GDAP1: variants seen among roughly 807,000 people sequenced by gnomAD.
GDAP1 encodes the protein ganglioside induced differentiation associated protein 1.
In GDAP1, 34 loss-of-function variants were observed where a neutral mutation model predicts 40.1. That is an observed-to-expected ratio of 0.85 (90% confidence interval 0.64 to 1.13). The LOEUF (loss-of-function observed/expected upper bound fraction) is 1.13, where lower values mean the gene tolerates loss of function less well. Ranked by LOEUF, GDAP1 falls within the 50% of genes most tolerant of loss-of-function variation. The pLI, the probability that GDAP1 is intolerant of heterozygous loss-of-function variation, is 0.00. For synonymous variants in GDAP1, 170 were observed against 157.4 expected (o/e 1.08, Z -0.60); for missense variants, 374 against 433.7 (o/e 0.86, Z 1.22).
intron 3 of GDAP1, among the ~76,000 whole-genome samples, 197 bp from the exon 4 acceptor site, chr8:74,361,687 G>A (rs1290845820): frequency 4.6e-5 from 7 of 152,222 alleles, no homozygotes; most frequent in Non-Finnish European, 5.9e-5. Context: ...GAGCCACCGC[G>A]CCCAGCCGGC....
intron 2 of GDAP1, among the ~76,000 whole-genome samples, chr8:74,379,238 G>C (rs1344972092): frequency 6.7e-6 from 1 of 149,838 alleles, no homozygotes; most frequent in Admixed American, 6.7e-5. Context: ...GGTATGTGGA[G>C]TAAGAGCCAC....
chr8:74,488,858 G>T (rs1317594124), exon 3 of GDAP1: 1 of 152,078 alleles, frequency 6.6e-6, no homozygotes, highest in African/African-American at 2.4e-5. Flanking sequence ...TGAATAAATA[G>T]GTTTGGAGCC....
chr8:74,457,584 G>A (rs184363672), intron 2 of GDAP1, among the ~76,000 whole-genome samples: 72 of 152,090 alleles, frequency 4.7e-4, no homozygotes, highest in African/African-American at 1.5e-3. Flanking sequence ...TTGTTCAGGC[G>A]GAATAAACAT....
intron 2 of GDAP1, among the ~76,000 whole-genome samples, chr8:74,383,504 T>G (rs1232855087): frequency 6.6e-6 from 1 of 152,204 alleles, no homozygotes; most frequent in African/African-American, 2.4e-5. Context: ...GTTTTAGATT[T>G]AATAATCTGT....
At chr8:74,466,593 A>G (rs1268279872) in intron 2 of GDAP1, among the ~76,000 whole-genome samples, 1 of 152,242 alleles carries the variant, frequency 6.6e-6, no homozygotes, top group African/African-American at 2.4e-5. Flanking sequence ...TGGAGGACAG[A>G]TCAAGGATAA....
chr8:74,430,053 GA>G (rs2131564362), intron 2 of GDAP1, among the ~76,000 whole-genome samples: 1 of 152,162 alleles, frequency 6.6e-6, no homozygotes, highest in Admixed American at 6.5e-5. Context: ...CGGAGAAAAA[GA>G]AAAGCATATG....
In GDAP1 at chr8:74,414,841, C is replaced by T. The variant is rs560442407; in HGVS notation, c.165+63520C>T. ...CTATAGCTTCAAGAAACTCCATGAA[C>T]CCCAAGCAAGATAAACACAAAAGAA... is the stretch of plus-strand genomic sequence containing the variant. On this transcript the variant is annotated intron_variant, in intron 2 of 2. Transcript: ENST00000523640. Among the ~76,000 whole-genome samples the T allele has an allele frequency of 1.1e-3, 164 of 149,882 alleles. 11 individuals carry two copies. The Middle Eastern group carries it at 0.014, about 12-fold the overall frequency.
At chr8:74,403,717 A>T (rs1805597647) in intron 2 of GDAP1, among the ~76,000 whole-genome samples, 1 of 150,194 alleles carries the variant, frequency 6.7e-6, no homozygotes, top group Non-Finnish European at 1.5e-5. Flanking sequence ...ACTTTTACAG[A>T]TCACTTGATA....
intron 2 of GDAP1, among the ~76,000 whole-genome samples, chr8:74,411,555 A>G (rs1033829160): frequency 1.5e-4 from 23 of 148,694 alleles, no homozygotes; most frequent in Admixed American, 1.5e-3. Context: ...ACACACAACA[A>G]TAAATAAAGA....
At chr8:74,385,043 C>G (rs1461241863) in intron 2 of GDAP1, among the ~76,000 whole-genome samples, 3 of 152,028 alleles carry the variant, frequency 2.0e-5, no homozygotes, top group African/African-American at 7.2e-5. Context: ...TACTAAAATA[C>G]TAGAATCACA....
intron 2 of GDAP1, among the ~76,000 whole-genome samples, chr8:74,488,379 C>G (rs950227113): frequency 2.6e-5 from 4 of 152,238 alleles, no homozygotes; most frequent in African/African-American, 7.2e-5. Flanking sequence ...TCCTTTCCCC[C>G]ACAACAGGAG....
intron 2 of GDAP1, among the ~76,000 whole-genome samples, chr8:74,464,839 T>C (rs1335932349): frequency 6.6e-6 from 1 of 152,224 alleles, no homozygotes; most frequent in Non-Finnish European, 1.5e-5. Flanking sequence ...CATCTTAAAT[T>C]GTAAGTATCT....
intron 2 of GDAP1, among the ~76,000 whole-genome samples, chr8:74,435,409 C>T (rs1806076601): frequency 6.6e-6 from 1 of 152,194 alleles, no homozygotes; most frequent in Admixed American, 6.5e-5. Context: ...TCAGTGTCAA[C>T]ATGCAGAATA....
At position 74,442,025 on chromosome 8, in the gene GDAP1, A is replaced by G. The variant is rs145515812; in HGVS notation, c.166-46653A>G. On this transcript the variant is annotated intron_variant, in intron 2 of 2. Coordinates refer to the GDAP1 transcript ENST00000523640. ...CTATTATTTCTGTTCAATTTTCTTC[A>G]TGCTCGTGGCCAGGGCTTTCTTGCT... is the stretch of plus-strand genomic sequence containing the variant. Among the ~76,000 whole-genome samples, 17 of 152,324 alleles carry G rather than the reference A, an allele frequency of 1.1e-4. No homozygotes were observed. In the East Asian group the frequency reaches 3.1e-3, roughly 28 times the overall value.
intron 2 of GDAP1, among the ~76,000 whole-genome samples, chr8:74,383,234 A>T (rs1809980114): frequency 6.6e-6 from 1 of 152,210 alleles, no homozygotes; most frequent in African/African-American, 2.4e-5. Context: ...GGTTGGGGGA[A>T]ATCTTAATTC....
At chr8:74,356,996 T>C (rs1214208524) in intron 2 of GDAP1, among the ~76,000 whole-genome samples, 1 of 152,168 alleles carries the variant, frequency 6.6e-6, no homozygotes. Flanking sequence ...ATTACAGGCA[T>C]GAGCCACCGT....
chr8:74,393,633 T>C (rs774748410), intron 2 of GDAP1, among the ~76,000 whole-genome samples: 9 of 152,210 alleles, frequency 5.9e-5, no homozygotes, highest in Non-Finnish European at 1.0e-4. Context: ...GTGTTTCTTG[T>C]CGACCTGGGA....
intron 2 of GDAP1, among the ~76,000 whole-genome samples, chr8:74,390,833 A>G (rs1282471649): frequency 3.3e-5 from 5 of 152,218 alleles, no homozygotes; most frequent in African/African-American, 1.2e-4. Context: ...AGTTTTATCT[A>G]TAAGCCCGTT....
chr8:74,401,753 T>G (rs1022367767), intron 2 of GDAP1, among the ~76,000 whole-genome samples: 1 of 150,090 alleles, frequency 6.7e-6, no homozygotes, highest in Non-Finnish European at 1.5e-5. Context: ...CCTTTCTGTT[T>G]GTTAGTTTTC....
Sources: allele counts gnomAD v4.1 joint callset (sites outside exome capture counted in the v4.1 genomes callset), GRCh38; gene constraint gnomAD v4.1.1; transcripts MANE v1.5; gene names NCBI Gene and HGNC (gene_info 2026-07-23, HGNC 2026-07-21).